UTP15: variants seen among roughly 807,000 people sequenced by gnomAD.
The protein encoded by UTP15 is UTP15 small subunit processome component, also known as U3 small nucleolar RNA-associated protein 15 homolog.
Under a neutral mutation model 59.1 loss-of-function variants are expected in UTP15, and 5 were observed. The observed-to-expected ratio is 0.08, with a 90% confidence interval of 0.04 to 0.18. The LOEUF is 0.18. Ranked by LOEUF, UTP15 falls within the 10% of genes least tolerant of loss-of-function variation. The pLI is 1.00. For missense variants in UTP15, 494 were observed against 616.7 expected, an observed-to-expected ratio of 0.80 and a Z score of 2.11; for synonymous variants, 211 against 212.2, an observed-to-expected ratio of 0.99 and a Z score of 0.05.
At chr5:73,569,150 T>C (rs1747863344) in intron 4 of UTP15, among the ~76,000 whole-genome samples, 2 of 152,252 alleles carry the variant, frequency 1.3e-5, no homozygotes, top group Non-Finnish European at 2.9e-5. Context: ...TATTTAGTGG[T>C]AAATCTCTTT....
intron 7 of UTP15, 83 bp from the exon 8 acceptor site, chr5:73,576,869 G>A: frequency 1.1e-6 from 1 of 889,726 alleles, no homozygotes. Flanking sequence ...TTTAATGTTT[G>A]TATTTTGTTT....
intron 7 of UTP15, among the ~76,000 whole-genome samples, chr5:73,573,182 C>G (rs1341591004): frequency 6.6e-6 from 1 of 151,736 alleles, no homozygotes; most frequent in Non-Finnish European, 1.5e-5. Flanking sequence ...GAATGATAAT[C>G]TTTCAAATAA....
In UTP15 at chr5:73,569,537, G is replaced by T. The variant is rs192742667; in HGVS notation, c.409G>T (p.Val137Leu). ...TVDFTADKYHVVSGADDYTVK... is the reference protein window; with the variant it reads ...TVDFTADKYHLVSGADDYTVK... ...AGATTTTACAGCTGACAAATATCAC[G>T]TGGTCTCTGGGGCTGATGATTATAC... The change falls in exon 5 of 13, where the codon GTG (valine) becomes TTG (leucine). Residue 137 changes from valine to leucine, a missense_variant. Val to Leu is a conservative substitution (Grantham distance 32). Coordinates refer to ENST00000296792, the MANE Select transcript of UTP15 (RefSeq NM_032175.4). 2 of 1,611,440 alleles carry T rather than the reference G, an allele frequency of 1.2e-6. No homozygotes were observed. Among genetic ancestry groups the T allele is most frequent in the Admixed American group, 3.3e-5 (2 of 59,748 alleles).
intron 7 of UTP15, among the ~76,000 whole-genome samples, chr5:73,573,226 T>C (rs1005555695): frequency 6.6e-6 from 1 of 152,146 alleles, no homozygotes; most frequent in Non-Finnish European, 1.5e-5. Context: ...AAAATCATTA[T>C]TGTACATTCA....
rs558899611 is a variant in UTP15 at position 73,575,882 on chromosome 5, C to T, written c.810-1070C>T. On this transcript the variant is annotated intron_variant, in intron 7 of 12. Coordinates refer to ENST00000296792, the MANE Select transcript of UTP15 (RefSeq NM_032175.4). ...GATTACAGGCATGTGCCACCATGCC[C>T]GGCTGATTTTGTATTTTTAGTAGAG... 2.0e-5 allele frequency among the ~76,000 whole-genome samples: 3 copies of T among 151,600 alleles called. 1 individual carries two copies. The South Asian group carries it at 6.3e-4, about 32-fold the overall frequency.
At chr5:73,571,935 C>A (rs887484322) in intron 6 of UTP15, among the ~76,000 whole-genome samples, 1 of 152,112 alleles carries the variant, frequency 6.6e-6, no homozygotes, top group Non-Finnish European at 1.5e-5. Flanking sequence ...TCGGGCAATC[C>A]CTTAAGGTCT....
rs780862161 is a variant in UTP15, at chr5:73,570,626, G to A, written c.588G>A (p.Thr196=). The A allele has an allele frequency of 5.0e-6, 8 of 1,614,026 alleles. No homozygotes were observed. Among genetic ancestry groups the A allele is most frequent in the South Asian group, 2.2e-5 (2 of 91,086 alleles). Residue 196 remains threonine (T), a synonymous_variant, in exon 6 of 13, where the codon ACG becomes ACA. Coordinates refer to ENST00000296792, the MANE Select transcript of UTP15 (RefSeq NM_032175.4). The part of the protein sequence containing the change: ...DHTVKMFDAR[T]SESVLSVEHG... ...CTGTGAAGATGTTTGATGCACGAAC[G>A]AGTGAGAGTGTTCTCTCCGTTGAGC...
In UTP15 at chr5:73,583,181, G is replaced by A. The variant is rs1472131819; in HGVS notation, c.*3087G>A. 6.6e-6 allele frequency: 1 copy of A among 152,144 alleles called. No homozygotes were observed. Among genetic ancestry groups the A allele is most frequent in the Admixed American group, 6.5e-5 (1 of 15,272 alleles). The allele number at this position is 152,144 out of a possible 1,614,324, so 9.4% of individuals were successfully genotyped here. A position where few individuals can be genotyped will look rare whatever the true frequency, so the allele number is the denominator to read the frequency against. On this transcript the variant is annotated 3_prime_UTR_variant, in exon 13 of 13. Transcript: ENST00000296792. ...CTCAGCTATAGTTAACTGGACCATG[G>A]TGGTACAACTGACTCAACCCTTCTC...
rs2112062898 is a variant in UTP15, at chr5:73,580,169, C to T, written c.*75C>T. ...CTGTATTAAATGTTGGCGAGAGACT[C>T]TCTTTGATACATTAAAAAAACTGTT... On this transcript the variant is annotated 3_prime_UTR_variant, in exon 13 of 13. Transcript: ENST00000296792. The T allele has an allele frequency of 7.8e-7, 1 of 1,278,828 alleles. No homozygotes were observed. The highest frequency in any genetic ancestry group is 1.5e-5 in the South Asian group (1 of 68,052). The allele number at this position is 1,278,828 out of a possible 1,614,324, so 79.2% of individuals were successfully genotyped here. A position where few individuals can be genotyped will look rare whatever the true frequency, so the allele number is the denominator to read the frequency against.
Position 73,568,446 on chromosome 5 carries a change from A to G in UTP15, c.210A>G (p.Gln70=), listed in dbSNP as rs1404867502. Residue 70 remains glutamine, a synonymous_variant, in exon 4 of 13, where the codon CAA becomes CAG. Coordinates refer to ENST00000296792, the MANE Select transcript of UTP15 (RefSeq NM_032175.4). ...TTCACATTTATGGCCGATACTCCCA[A>G]GAACCTATAAAAACCTTTTCTCGAT... ...SRIHIYGRYS[Q]EPIKTFSRFK... 1.2e-6 allele frequency: 2 copies of G among 1,612,996 alleles called. No individual in the cohort carries two copies. Among genetic ancestry groups the G allele is most frequent in the Non-Finnish European group, 1.7e-6 (2 of 1,179,538 alleles).
chr5:73,572,417 A>C, intron 6 of UTP15, 72 bp from the exon 7 acceptor site: 1 of 1,575,700 alleles, frequency 6.3e-7, no homozygotes, highest in South Asian at 1.2e-5. Flanking sequence ...TCCAGAGAAG[A>C]ATGCTTTTCA....
chr5:73,570,674 C>T lies in UTP15; in HGVS notation c.636C>T (p.Val212=). 2 of 1,614,144 alleles carry T rather than the reference C, an allele frequency of 1.2e-6. No homozygotes were observed. Among genetic ancestry groups the T allele is most frequent in the South Asian group, 2.2e-5 (2 of 91,084 alleles). ...SVEHGQPVES[V]LLFPSGGLLV... is the part of the protein sequence containing the mutation. Reference sequence around the variant, plus strand: ...AGCATGGGCAGCCAGTGGAGAGTGTCCTACTTTTCCCCTCTGGAGGTCTTC... The same window carrying T: ...AGCATGGGCAGCCAGTGGAGAGTGTTCTACTTTTCCCCTCTGGAGGTCTTC... The change falls in exon 6 of 13, where the codon GTC becomes GTT. Residue 212 remains valine, a synonymous_variant. Transcript: ENST00000296792.
intron 1 of UTP15, among the ~76,000 whole-genome samples, chr5:73,566,731 A>G (rs1054659917): frequency 6.6e-5 from 10 of 152,220 alleles, no homozygotes; most frequent in African/African-American, 2.4e-4. Flanking sequence ...GGACTGCTTT[A>G]TTACAGTTTT....
rs1161707925 is a variant in UTP15, at chr5:73,578,016, A to G, written c.1044+11A>G. On this transcript the variant is annotated intron_variant, in intron 9 of 12. Coordinates refer to ENST00000296792, the MANE Select transcript of UTP15 (RefSeq NM_032175.4). Reference sequence around the variant, plus strand: ...TACATGAAGCAACGGGTATTTGTGCATTTCTCATATTTGTTTAAAGGGTGA... The same window carrying G: ...TACATGAAGCAACGGGTATTTGTGCGTTTCTCATATTTGTTTAAAGGGTGA... The G allele has an allele frequency of 1.9e-6, 3 of 1,576,272 alleles. No individual in the cohort carries two copies. The highest frequency in any genetic ancestry group is 2.6e-6 in the Non-Finnish European group (3 of 1,168,662).
intron 11 of UTP15, 70 bp downstream of exon 11, chr5:73,579,220 T>A: frequency 2.5e-6 from 4 of 1,605,378 alleles, no homozygotes; most frequent in Non-Finnish European, 3.4e-6. Flanking sequence ...AAAAGACATT[T>A]AGTTTGATCT....
In UTP15 at chr5:73,579,028, A is replaced by G. The variant is rs1232071926; in HGVS notation, c.1158A>G (p.Thr386=). 4 of 1,611,174 alleles carry G rather than the reference A, an allele frequency of 2.5e-6. No homozygotes were observed. The highest frequency in any genetic ancestry group is 1.1e-5 in the South Asian group (1 of 90,842). ...ALDRVLDPTC[T]IKTPEITVSI... ...GAAAATTTTTCTAGCCCACTTGTAC[A>G]ATAAAGACACCCGAGATTACGGTGT... Residue 386 remains threonine (T), a synonymous_variant, in exon 11 of 13, where the codon ACA becomes ACG. Coordinates refer to ENST00000296792, the MANE Select transcript of UTP15 (RefSeq NM_032175.4).
chr5:73,568,225 T>C lies in UTP15; in HGVS notation c.91-10T>C. On this transcript the variant is annotated splice_polypyrimidine_tract_variant and intron_variant, in intron 2 of 12. Transcript: ENST00000296792. ...GTAACTCTGTTAACACACTATTATTTTTTATTAAGACCCCTGTTCAGATTA... is the reference window on the plus strand; with the variant it reads ...GTAACTCTGTTAACACACTATTATTCTTTATTAAGACCCCTGTTCAGATTA... 1 of 1,593,712 alleles carries C rather than the reference T, an allele frequency of 6.3e-7. No individual in the cohort carries two copies. Among genetic ancestry groups the C allele is most frequent in the Non-Finnish European group, 8.5e-7 (1 of 1,172,210 alleles).
Position 73,570,755 on chromosome 5 carries a change from T to G in UTP15, c.673+44T>G, listed in dbSNP as rs1335929983. The G allele has an allele frequency of 2.5e-6, 4 of 1,604,202 alleles. No homozygotes were observed. In the South Asian group the frequency reaches 4.5e-5, roughly 18 times the overall value. On this transcript the variant is annotated intron_variant, in intron 6 of 12. Coordinates refer to ENST00000296792, the MANE Select transcript of UTP15 (RefSeq NM_032175.4). ...TTTCACCAATATTGTTGGTTTTGAA[T>G]CACGTTTGTTTAAAATCAGTTGCTC...
At chr5:73,577,743 C>A in intron 8 of UTP15, 113 bp from the exon 9 acceptor site, 1 of 862,422 alleles carries the variant, frequency 1.2e-6, no homozygotes, top group Non-Finnish European at 1.8e-6. Flanking sequence ...TTGAATGGAA[C>A]TGTTGGTGAA....
Sources: gnomAD v4.1 joint callset for allele counts (sites outside exome capture counted in the v4.1 genomes callset) on GRCh38, gnomAD v4.1.1 for gene constraint, MANE v1.5 for transcripts, NCBI Gene and HGNC (gene_info 2026-07-23, HGNC 2026-07-21) for gene names.